Variants in SPECC1L observed in about 807,000 individuals in gnomAD.
SPECC1L encodes cytospin-A.
Under a neutral mutation model 116.8 loss-of-function variants are expected in SPECC1L, and 40 were observed. The ratio of observed to expected loss-of-function variants is 0.34; its 90% CI spans 0.27 to 0.45. SPECC1L has a LOEUF of 0.45. Ranked by LOEUF, SPECC1L falls within the 20% of genes least tolerant of loss-of-function variation. The pLI is 1.00. For synonymous variants in SPECC1L, 504 were observed against 500.6 expected (o/e 1.01, Z -0.09); for missense variants, 1,110 against 1,373.6 (o/e 0.81, Z 3.03).
intron 11 of SPECC1L, among the ~76,000 whole-genome samples, chr22:24,351,668 A>G (rs995910691): frequency 2.6e-5 from 4 of 152,192 alleles, no homozygotes; most frequent in South Asian, 2.1e-4. Flanking sequence ...TCATTCAAGA[A>G]AAGAACCACT....
chr22:24,392,163 C>A lies in SPECC1L; in HGVS notation c.3088-19425C>A, dbSNP rs1034688533. Among the ~76,000 whole-genome samples, 5 of 152,190 alleles carry A rather than the reference C, an allele frequency of 3.3e-5. No individual in the cohort carries two copies. The East Asian group carries it at 9.6e-4, about 29-fold the overall frequency. Reference sequence around the variant, plus strand: ...TTTCCACTGAGCTGTCCAGCCTCCACGGCAGTGTCCCAGACTCTTCAGTAA... The same window carrying A: ...TTTCCACTGAGCTGTCCAGCCTCCAAGGCAGTGTCCCAGACTCTTCAGTAA... On this transcript the variant is annotated intron_variant, in intron 14 of 16. Transcript: ENST00000314328.
intron 11 of SPECC1L, among the ~76,000 whole-genome samples, chr22:24,351,227 C>A (rs2041414959): frequency 6.6e-6 from 1 of 152,190 alleles, no homozygotes; most frequent in African/African-American, 2.4e-5. Flanking sequence ...CCCCTCAGAT[C>A]TAATGATGTA....
chr22:24,357,971 A>G (rs2041564233), intron 11 of SPECC1L, among the ~76,000 whole-genome samples: 1 of 151,946 alleles, frequency 6.6e-6, no homozygotes, highest in Non-Finnish European at 1.5e-5. Context: ...CTTTTCTGCC[A>G]TTTCTAGGAC....
intron 15 of SPECC1L, 93 bp downstream of exon 15, chr22:24,411,797 AC>A (rs1468042590): frequency 1.9e-6 from 2 of 1,059,686 alleles, no homozygotes; most frequent in East Asian, 4.7e-5. Flanking sequence ...GTCACATGCC[AC>A]AGCGCTGGCT....
chr22:24,324,433 T>C lies in SPECC1L; in HGVS notation c.2146+6T>C. The C allele has an allele frequency of 6.2e-7, 1 of 1,609,054 alleles. No homozygotes were observed. The highest frequency in any genetic ancestry group is 8.5e-7 in the Non-Finnish European group (1 of 1,175,488). ...CATTATTTCTGATCTAGAGAGTAAGTGATAAGAACTTTTCATTCTTTTTTG... is the reference window on the plus strand; with the variant it reads ...CATTATTTCTGATCTAGAGAGTAAGCGATAAGAACTTTTCATTCTTTTTTG... On this transcript the variant is annotated splice_donor_region_variant and intron_variant, in intron 6 of 16. Transcript: ENST00000314328.
At chr22:24,371,501 A>T (rs894749928) in intron 14 of SPECC1L, among the ~76,000 whole-genome samples, 3 of 152,122 alleles carry the variant, frequency 2.0e-5, no homozygotes, top group African/African-American at 7.2e-5. Context: ...AATTTTCTTC[A>T]TTTTTTTCTG....
chr22:24,335,749 C>T (rs1182873332), intron 9 of SPECC1L, among the ~76,000 whole-genome samples: 1 of 152,110 alleles, frequency 6.6e-6, no homozygotes, highest in African/African-American at 2.4e-5. Context: ...TTAGGCAACA[C>T]CTTCCAGTTT....
chr22:24,274,067 T>C (rs1390306236), intron 1 of SPECC1L, among the ~76,000 whole-genome samples: 1 of 152,164 alleles, frequency 6.6e-6, no homozygotes, highest in Admixed American at 6.5e-5. Flanking sequence ...CCCAGGAGAT[T>C]TTTTTGTGTT....
At chr22:24,273,123 T>C (rs1012059069) in intron 1 of SPECC1L, among the ~76,000 whole-genome samples, 1 of 152,262 alleles carries the variant, frequency 6.6e-6, no homozygotes, top group African/African-American at 2.4e-5. Flanking sequence ...GGTGAACTTT[T>C]AGGAGGTGTA....
chr22:24,376,648 A>T (rs899837568), intron 14 of SPECC1L, among the ~76,000 whole-genome samples: 1 of 152,218 alleles, frequency 6.6e-6, no homozygotes, highest in African/African-American at 2.4e-5. Context: ...TGAATATTTT[A>T]TGCTAAGGGA....
intron 1 of SPECC1L, among the ~76,000 whole-genome samples, chr22:24,271,814 C>A (rs2048733086): frequency 6.6e-6 from 1 of 152,322 alleles, no homozygotes; most frequent in East Asian, 1.9e-4. Flanking sequence ...GGAAAAGATT[C>A]CCGTGAACAG....
intron 3 of SPECC1L, among the ~76,000 whole-genome samples, chr22:24,303,610 GCCTT>G (rs373730140): frequency 9.8e-5 from 15 of 152,296 alleles, no homozygotes; most frequent in African/African-American, 3.6e-4. Flanking sequence ...GTGCACTGCT[GCCTT>G]CCTTCTGTGG....
At chr22:24,383,792 A>ATTTTTTTTTTTTTTTC (rs2042106202) in intron 14 of SPECC1L, among the ~76,000 whole-genome samples, 1 of 77,338 alleles carries the variant, frequency 1.3e-5, no homozygotes. Flanking sequence ...ACCCACCACT[A>ATTTTTTTTTTTTTTTC]TTTTTTTTTT....
At position 24,321,411 on chromosome 22, in the gene SPECC1L, G is replaced by A. The variant is rs748723587; in HGVS notation, c.431G>A (p.Gly144Glu). 2 of 1,614,130 alleles carry A rather than the reference G, an allele frequency of 1.2e-6. No individual in the cohort carries two copies. The highest frequency in any genetic ancestry group is 1.1e-5 in the South Asian group (1 of 91,096). ...AAAAAACTACCTTCTGCAGGTCAGG[G>A]AGCTAATGACATGGCATTGGCCAAA... ...QSKKLPSAGQ[G>E]ANDMALAKRS... Residue 144 changes from glycine (G) to glutamate (E), a missense_variant, in exon 5 of 17, where the codon GGA becomes GAA. Gly to Glu is a moderately conservative substitution (Grantham distance 98). Coordinates refer to ENST00000314328, the MANE Select transcript of SPECC1L (RefSeq NM_015330.6).
rs113776975 is a variant in SPECC1L at position 24,318,648 on chromosome 22, G to A, written c.308-2640G>A. Among the ~76,000 whole-genome samples, 1,575 of 152,260 alleles carry A rather than the reference G, an allele frequency of 0.01. 72 individuals carry two copies. In the South Asian group the frequency reaches 0.12, roughly 11 times the overall value. On this transcript the variant is annotated intron_variant, in intron 4 of 16. Coordinates refer to ENST00000314328, the MANE Select transcript of SPECC1L (RefSeq NM_015330.6). ...GAAAAAAGTTACCCCAGCCAGGTGCGATGGTGCACGCCTGTAATCCCAGCA... is the reference window on the plus strand; with the variant it reads ...GAAAAAAGTTACCCCAGCCAGGTGCAATGGTGCACGCCTGTAATCCCAGCA...
intron 2 of SPECC1L, among the ~76,000 whole-genome samples, chr22:24,279,660 G>A (rs1268689747): frequency 6.6e-6 from 1 of 151,966 alleles, no homozygotes; most frequent in Non-Finnish European, 1.5e-5. Flanking sequence ...ACAGCTCACT[G>A]CAGCCTCCAC....
chr22:24,290,282 G>A (rs949287628), intron 2 of SPECC1L, among the ~76,000 whole-genome samples: 1 of 152,192 alleles, frequency 6.6e-6, no homozygotes, highest in Non-Finnish European at 1.5e-5. Flanking sequence ...GTGCCTACCT[G>A]GAGTGGGGAG....
intron 3 of SPECC1L, among the ~76,000 whole-genome samples, chr22:24,304,187 A>G (rs184397024): frequency 6.0e-4 from 92 of 152,100 alleles, no homozygotes; most frequent in African/African-American, 2.1e-3. Flanking sequence ...CAGATGAATG[A>G]AGTGTTTGGC....
chr22:24,404,638 A>C (rs758204452), intron 14 of SPECC1L, among the ~76,000 whole-genome samples: 1 of 152,106 alleles, frequency 6.6e-6, no homozygotes, highest in Non-Finnish European at 1.5e-5. Context: ...GGACCTCTGC[A>C]GCCACTGACC....
Sources: allele counts gnomAD v4.1 joint callset (sites outside exome capture counted in the v4.1 genomes callset), GRCh38; gene constraint gnomAD v4.1.1; transcripts MANE v1.5; gene names NCBI Gene and HGNC (gene_info 2026-07-23, HGNC 2026-07-21).